CREB3L2: variants seen among roughly 807,000 people sequenced by gnomAD.
CREB3L2 encodes cAMP responsive element binding protein 3 like 2, also known as cyclic AMP-responsive element-binding protein 3-like protein 2.
Under a neutral mutation model 57.2 loss-of-function variants are expected in CREB3L2, and 23 were observed. The ratio of observed to expected loss-of-function variants is 0.40; its 90% CI spans 0.29 to 0.57. CREB3L2 has a LOEUF of 0.57. CREB3L2 is among the 20% of genes least tolerant of loss of function. The pLI is 0.42. For missense variants in CREB3L2, 628 were observed against 634.7 expected (o/e 0.99, Z 0.11); for synonymous variants, 268 against 265.1 (o/e 1.01, Z -0.11).
chr7:137,920,436 T>A (rs1199934003), intron 2 of CREB3L2, among the ~76,000 whole-genome samples: 1 of 152,158 alleles, frequency 6.6e-6, no homozygotes, highest in Non-Finnish European at 1.5e-5. Context: ...ACCTTAGAGA[T>A]GCCAGTGAAT....
intron 7 of CREB3L2, 135 bp from the exon 8 acceptor site, chr7:137,901,557 A>G: frequency 1.8e-6 from 1 of 554,556 alleles, no homozygotes; most frequent in South Asian, 2.3e-5. Context: ...GTGGGAAAGT[A>G]TTGAAAGAAG....
intron 10 of CREB3L2, among the ~76,000 whole-genome samples, chr7:137,883,323 T>C (rs752798810): frequency 2.6e-5 from 4 of 152,214 alleles, no homozygotes; most frequent in Non-Finnish European, 5.9e-5. Flanking sequence ...CGTTTCAAGA[T>C]GGCAAAATTT....
intron 1 of CREB3L2, among the ~76,000 whole-genome samples, chr7:137,933,463 A>C (rs1421051261): frequency 6.6e-6 from 1 of 152,216 alleles, no homozygotes; most frequent in Non-Finnish European, 1.5e-5. Flanking sequence ...GTTTTCATGA[A>C]CATCCCCTGG....
At chr7:137,968,721 T>C (rs1382040331) in intron 1 of CREB3L2, among the ~76,000 whole-genome samples, 1 of 152,212 alleles carries the variant, frequency 6.6e-6, no homozygotes, top group East Asian at 1.9e-4. Context: ...CCTCCTCCAA[T>C]GGGGGGTACA....
intron 10 of CREB3L2, among the ~76,000 whole-genome samples, chr7:137,882,890 G>C (rs1799328529): frequency 6.8e-6 from 1 of 146,702 alleles, no homozygotes; most frequent in African/African-American, 2.7e-5. Context: ...CACCCCCACT[G>C]CTTTGAAAAT....
chr7:137,937,369 C>G (rs1473015416), intron 1 of CREB3L2, among the ~76,000 whole-genome samples: 1 of 152,198 alleles, frequency 6.6e-6, no homozygotes, highest in Non-Finnish European at 1.5e-5. Context: ...CAGGGAGGAG[C>G]TGCCCTGGGC....
chr7:137,948,739 T>A (rs1801044117), intron 1 of CREB3L2, among the ~76,000 whole-genome samples: 1 of 152,226 alleles, frequency 6.6e-6, no homozygotes, highest in Admixed American at 6.5e-5. Context: ...AATAGCCTCA[T>A]GAAAACGAAT....
chr7:137,891,251 T>C (rs183448681), intron 8 of CREB3L2, among the ~76,000 whole-genome samples: 2 of 152,314 alleles, frequency 1.3e-5, no homozygotes, highest in East Asian at 3.9e-4. Flanking sequence ...CATCACCCTG[T>C]ATCTTGGGAG....
At chr7:137,960,632 A>G (rs1278570390) in intron 1 of CREB3L2, among the ~76,000 whole-genome samples, 1 of 152,156 alleles carries the variant, frequency 6.6e-6, no homozygotes, top group Non-Finnish European at 1.5e-5. Flanking sequence ...TCTAAAGCAC[A>G]TACCTGGAAA....
rs200047104 is a variant in CREB3L2 at position 138,001,607 on chromosome 7, G to A, written c.99C>T (p.His33=). The A allele has an allele frequency of 1.2e-6, 2 of 1,611,586 alleles. No individual in the cohort carries two copies. The highest frequency in any genetic ancestry group is 1.7e-6 in the Non-Finnish European group (2 of 1,178,578). ...GCCCCGCCCGCCGGGTCCTCACCGT[G>A]TGGTACATGAGGGCCTCGCCGTCCC... The part of the protein sequence containing the change: ...EPGDGEALMY[H]THFSELLDEF... The change falls in exon 1 of 12, where the codon CAC becomes CAT. Residue 33 remains histidine, a synonymous_variant. Transcript: ENST00000330387. This position sits in a 1 kb window ranked among gnomAD's most constrained non-coding sequence, Gnocchi z 4.2.
chr7:137,969,340 CTTTTTTTTTTTTTTT>C (rs71177936), intron 1 of CREB3L2, among the ~76,000 whole-genome samples: 2 of 77,070 alleles, frequency 2.6e-5, no homozygotes, highest in Non-Finnish European at 4.7e-5. Context: ...TTATGATCTT[CTTTTTTTTTTTTTTT>C]TTTTTTTTTG....
chr7:137,913,499 C>A (rs1800059410), intron 3 of CREB3L2, among the ~76,000 whole-genome samples: 1 of 131,264 alleles, frequency 7.6e-6, no homozygotes, highest in Admixed American at 8.5e-5. Flanking sequence ...AGAGTGAGAC[C>A]CTATCTCAAA....
In CREB3L2 at chr7:138,002,068, C is replaced by G. The variant is rs1161569045; in HGVS notation, c.-363G>C. The G allele has an allele frequency of 1.1e-5, 3 of 282,962 alleles. No individual in the cohort carries two copies. The highest frequency in any genetic ancestry group is 2.0e-5 in the Non-Finnish European group (3 of 148,648). The allele number at this position is 282,962 out of a possible 1,614,324, so 17.5% of individuals were successfully genotyped here. ...GCTCCAGACACAAACTTTGAGGGAC[C>G]CCAGGGCTCCTCGGCTCTGCTCCAG... On this transcript the variant is annotated 5_prime_UTR_variant, in exon 1 of 12. Coordinates refer to ENST00000330387, the MANE Select transcript of CREB3L2 (RefSeq NM_194071.4).
chr7:137,986,577 G>A (rs994032788), intron 1 of CREB3L2, among the ~76,000 whole-genome samples: 1 of 152,260 alleles, frequency 6.6e-6, no homozygotes. Flanking sequence ...TAAGGGCTAT[G>A]AAGTTGTGCT....
intron 4 of CREB3L2, among the ~76,000 whole-genome samples, chr7:137,912,145 A>C (rs906943131): frequency 3.9e-5 from 6 of 152,136 alleles, no homozygotes; most frequent in African/African-American, 1.4e-4. Flanking sequence ...AGGAGGCCGA[A>C]GCAGGCGGAT....
At chr7:138,000,101 C>A (rs1802050440) in intron 1 of CREB3L2, among the ~76,000 whole-genome samples, 1 of 152,236 alleles carries the variant, frequency 6.6e-6, no homozygotes, top group Non-Finnish European at 1.5e-5. Flanking sequence ...CGTAATTCAT[C>A]CCACCAGCTG....
intron 1 of CREB3L2, among the ~76,000 whole-genome samples, chr7:137,939,180 A>G (rs1800841433): frequency 1.3e-5 from 2 of 152,326 alleles, no homozygotes; most frequent in South Asian, 4.1e-4. Context: ...TAATAATAAT[A>G]GCACCTTCCA....
chr7:137,896,893 C>T (rs1799638342), intron 8 of CREB3L2, among the ~76,000 whole-genome samples: 1 of 152,142 alleles, frequency 6.6e-6, no homozygotes, highest in South Asian at 2.1e-4. Context: ...GTATCACTTA[C>T]ATCTAAAGAA....
At chr7:137,921,158 G>A (rs990736113) in intron 2 of CREB3L2, among the ~76,000 whole-genome samples, 10 of 152,172 alleles carry the variant, frequency 6.6e-5, no homozygotes, top group East Asian at 5.8e-4. Context: ...CTGAGATACC[G>A]AGTGGAAAAA....
Sources: gnomAD v4.1 joint callset for allele counts (sites outside exome capture counted in the v4.1 genomes callset) on GRCh38, gnomAD v4.1.1 for gene constraint, Gnocchi (gnomAD v3.1) non-coding constraint, MANE v1.5 for transcripts, NCBI Gene and HGNC (gene_info 2026-07-23, HGNC 2026-07-21) for gene names.